The following IGF1R variants were observed in gnomAD, a reference collection of about 807,000 sequenced individuals.
IGF1R encodes insulin-like growth factor 1 receptor.
In IGF1R, 44 loss-of-function variants were observed where a neutral mutation model predicts 144.6. The ratio of observed to expected loss-of-function variants is 0.30; its 90% CI spans 0.24 to 0.39. IGF1R has a LOEUF of 0.39. Among genes scored for constraint, IGF1R ranks in the 10% least tolerant of loss-of-function variants. IGF1R has a pLI of 1.00. For missense variants in IGF1R, 1,355 were observed against 1,833.7 expected (o/e 0.74, Z 4.77); for synonymous variants, 795 against 722.8 (o/e 1.10, Z -1.60).
intron 3 of IGF1R, among the ~76,000 whole-genome samples, chr15:98,896,514 G>T (rs998639208): frequency 6.6e-6 from 1 of 152,066 alleles, no homozygotes; most frequent in African/African-American, 2.4e-5. Context: ...CATGTATTTT[G>T]TCTGGAAGCA....
chr15:98,678,588 C>T (rs1027448860), intron 1 of IGF1R, among the ~76,000 whole-genome samples: 1 of 152,140 alleles, frequency 6.6e-6, no homozygotes, highest in African/African-American at 2.4e-5. Flanking sequence ...TCTTGGCCCA[C>T]TTCAGCCTTG....
chr15:98,824,944 C>T (rs1457869442), intron 2 of IGF1R, among the ~76,000 whole-genome samples: 1 of 151,926 alleles, frequency 6.6e-6, no homozygotes, highest in Admixed American at 6.6e-5. Flanking sequence ...TCAAGCGATT[C>T]TCCTGCCTCA....
chr15:98,872,024 A>G (rs1166927166), intron 2 of IGF1R, among the ~76,000 whole-genome samples: 1 of 152,200 alleles, frequency 6.6e-6, no homozygotes, highest in Non-Finnish European at 1.5e-5. Flanking sequence ...TGGCAGCCTC[A>G]GCCCCCACCC....
chr15:98,817,896 T>C (rs748117191), intron 2 of IGF1R, among the ~76,000 whole-genome samples: 1 of 152,160 alleles, frequency 6.6e-6, no homozygotes, highest in Non-Finnish European at 1.5e-5. Context: ...TCACCTCTTC[T>C]CTCCAGCGTC....
At chr15:98,956,248 G>GGAGC (rs1194006975) in intron 20 of IGF1R, among the ~76,000 whole-genome samples, 6 of 152,226 alleles carry the variant, frequency 3.9e-5, no homozygotes, top group African/African-American at 1.4e-4. Context: ...AGGTGCTGTC[G>GGAGC]GAGCCCAGCC....
intron 2 of IGF1R, among the ~76,000 whole-genome samples, chr15:98,790,053 A>C (rs1211905255): frequency 6.6e-6 from 1 of 152,132 alleles, no homozygotes; most frequent in East Asian, 1.9e-4. Context: ...TCTGTGAAGG[A>C]AGCTCTGTTC....
intron 2 of IGF1R, among the ~76,000 whole-genome samples, chr15:98,752,286 G>A (rs2055030772): frequency 6.6e-6 from 1 of 152,184 alleles, no homozygotes; most frequent in Non-Finnish European, 1.5e-5. Flanking sequence ...TCAGAACTGT[G>A]AGAGCTCAGG....
At chr15:98,874,129 A>G (rs1414374904) in intron 2 of IGF1R, among the ~76,000 whole-genome samples, 1 of 152,160 alleles carries the variant, frequency 6.6e-6, no homozygotes, top group Non-Finnish European at 1.5e-5. Flanking sequence ...GATGGAAGTA[A>G]CAGGTCCAAA....
In IGF1R at chr15:98,891,473, C is replaced by G. The variant is rs2013912225; in HGVS notation, c.789C>G (p.Ala263=). ...ACTATGCCGGTGTCTGTGTGCCTGC[C>G]TGCCCGCCCAACACCTACAGGTTTG... The part of the protein sequence containing the change: ...HYYYAGVCVP[A]CPPNTYRFEG... The change falls in exon 3 of 21, where the codon GCC becomes GCG. Residue 263 remains alanine, a synonymous_variant. Transcript: ENST00000650285. The surrounding 1 kb of genome is among the most constrained non-coding windows in gnomAD (Gnocchi z 4.7). 1 of 1,614,066 alleles carries G rather than the reference C, an allele frequency of 6.2e-7. No individual in the cohort carries two copies. Among genetic ancestry groups the G allele is most frequent in the African/African-American group, 1.3e-5 (1 of 74,942 alleles).
intron 1 of IGF1R, among the ~76,000 whole-genome samples, chr15:98,651,504 A>G (rs1431396863): frequency 6.6e-6 from 1 of 152,218 alleles, no homozygotes; most frequent in African/African-American, 2.4e-5. Flanking sequence ...CGGGAGAAAT[A>G]ATCCATTTTG....
At chr15:98,767,497 A>G (rs972324579) in intron 2 of IGF1R, among the ~76,000 whole-genome samples, 1 of 152,202 alleles carries the variant, frequency 6.6e-6, no homozygotes, top group Admixed American at 6.5e-5. Flanking sequence ...GCCAAAAGCA[A>G]AGTTCATTTT....
intron 2 of IGF1R, among the ~76,000 whole-genome samples, chr15:98,870,035 G>A (rs1245404146): frequency 6.6e-6 from 1 of 152,204 alleles, no homozygotes; most frequent in Non-Finnish European, 1.5e-5. Flanking sequence ...CCCTAGTACA[G>A]TGTACACTAG....
At chr15:98,869,974 A>G (rs935950999) in intron 2 of IGF1R, among the ~76,000 whole-genome samples, 10 of 151,962 alleles carry the variant, frequency 6.6e-5, no homozygotes, top group African/African-American at 2.4e-4. Context: ...GTGCATTACA[A>G]GTATATACTG....
At position 98,860,100 on chromosome 15, in the gene IGF1R, G is replaced by A. The variant is rs142413156; in HGVS notation, c.641-31225G>A. ...CTGGCTAATTTTTGTATTTTTAGTA[G>A]AGACGGGGTTTCGCCATGTTGGCCA... On this transcript the variant is annotated intron_variant, in intron 2 of 20. Coordinates refer to ENST00000650285, the MANE Select transcript of IGF1R (RefSeq NM_000875.5). 2.6e-5 allele frequency among the ~76,000 whole-genome samples: 4 copies of A among 152,308 alleles called. No individual in the cohort carries two copies. In the East Asian group the frequency reaches 7.7e-4, roughly 29 times the overall value.
intron 10 of IGF1R, among the ~76,000 whole-genome samples, chr15:98,918,844 A>G (rs1596449192): frequency 6.6e-6 from 1 of 151,610 alleles, no homozygotes. Flanking sequence ...GCACCGTTGC[A>G]CTCCAGCCTG....
intron 2 of IGF1R, among the ~76,000 whole-genome samples, chr15:98,862,253 C>T (rs773513428): frequency 6.6e-6 from 1 of 152,218 alleles, no homozygotes; most frequent in Non-Finnish European, 1.5e-5. Flanking sequence ...GTTAGAAAAA[C>T]ACAGTTCTCA....
intron 2 of IGF1R, among the ~76,000 whole-genome samples, chr15:98,853,125 C>T (rs1328567213): frequency 6.6e-6 from 1 of 152,118 alleles, no homozygotes; most frequent in Non-Finnish European, 1.5e-5. Flanking sequence ...ACATCGGATG[C>T]TATTTTAAAT....
chr15:98,673,340 G>T lies in IGF1R; in HGVS notation c.94+23665G>T, dbSNP rs114896896. Among the ~76,000 whole-genome samples the T allele has an allele frequency of 7.4e-3, 1,123 of 152,300 alleles. 14 individuals carry two copies. The highest frequency in any genetic ancestry group is 0.026 in the African/African-American group (1,083 of 41,560). On this transcript the variant is annotated intron_variant, in intron 1 of 20. Coordinates refer to ENST00000650285, the MANE Select transcript of IGF1R (RefSeq NM_000875.5). ...TGTTTGCATACTTCTCTTAGTGGCGGACTAGCGGTTGTACAGTAAATAGAT... is the reference window on the plus strand; with the variant it reads ...TGTTTGCATACTTCTCTTAGTGGCGTACTAGCGGTTGTACAGTAAATAGAT...
rs1429631938 is a variant in IGF1R, at chr15:98,939,403, GGT to G, written c.3457+46_3457+47del. 1.9e-6 allele frequency: 3 copies of G among 1,600,910 alleles called. No homozygotes were observed. The South Asian group carries it at 3.3e-5, about 18-fold the overall frequency. The stretch of plus-strand genomic sequence containing the variant: ...CAGGTCTGGGCAAGAACTAAACTCA[GGT>G]GTTTTGAGGACTTTGTTGGCATTAG... On this transcript the variant is annotated intron_variant, in intron 18 of 20. Coordinates refer to ENST00000650285, the MANE Select transcript of IGF1R (RefSeq NM_000875.5).
Sources: gnomAD v4.1 joint callset for allele counts (sites outside exome capture counted in the v4.1 genomes callset) on GRCh38, gnomAD v4.1.1 for gene constraint, Gnocchi (gnomAD v3.1) non-coding constraint, MANE v1.5 for transcripts, NCBI Gene and HGNC (gene_info 2026-07-23, HGNC 2026-07-21) for gene names.